GRM7: variants seen among roughly 807,000 people sequenced by gnomAD.
The protein encoded by GRM7 is glutamate metabotropic receptor 7.
GRM7 carries 35 observed loss-of-function variants against 84.5 expected under a neutral mutation model. The observed-to-expected ratio is 0.41, with a 90% CI of 0.32 to 0.55. The LOEUF (loss-of-function observed/expected upper bound fraction) is 0.55. Ranked by LOEUF, GRM7 falls within the 20% of genes least tolerant of loss-of-function variation. The pLI is 0.19. For missense variants in GRM7, 1,003 were observed against 1,194.6 expected, an observed-to-expected ratio of 0.84 and a Z score of 2.36; for synonymous variants, 487 against 455.1, an observed-to-expected ratio of 1.07 and a Z score of -0.89.
intron 5 of GRM7, among the ~76,000 whole-genome samples, chr3:7,432,081 GCT>G (rs1405444598): frequency 6.6e-6 from 1 of 152,150 alleles, no homozygotes; most frequent in Non-Finnish European, 1.5e-5. Context: ...CAAGCATGAA[GCT>G]GGAACTGCTT....
chr3:7,572,435 C>G (rs1245202745), intron 7 of GRM7, among the ~76,000 whole-genome samples: 1 of 152,066 alleles, frequency 6.6e-6, no homozygotes, highest in Non-Finnish European at 1.5e-5. Flanking sequence ...TTAGGGAAGT[C>G]TCATCCATCT....
chr3:6,979,392 G>A (rs1189275667), intron 1 of GRM7, among the ~76,000 whole-genome samples: 4 of 152,080 alleles, frequency 2.6e-5, no homozygotes, highest in Admixed American at 1.3e-4. Flanking sequence ...TCACCATGAC[G>A]CTTAGAAACT....
At chr3:7,306,080 A>G (rs940077340) in intron 3 of GRM7, among the ~76,000 whole-genome samples, 1 of 152,138 alleles carries the variant, frequency 6.6e-6, no homozygotes, top group Non-Finnish European at 1.5e-5. Context: ...CTTTTCAGAG[A>G]TAGTGTATAC....
intron 1 of GRM7, among the ~76,000 whole-genome samples, chr3:7,078,865 T>TTC (rs1450794542): frequency 1.3e-5 from 2 of 151,468 alleles, no homozygotes; most frequent in Non-Finnish European, 2.9e-5. Flanking sequence ...TTTTTTTTTT[T>TTC]CATTTCTTTG....
chr3:7,673,569 A>G (rs557381085), intron 8 of GRM7, among the ~76,000 whole-genome samples: 10 of 152,240 alleles, frequency 6.6e-5, no homozygotes, highest in African/African-American at 2.2e-4. Context: ...ATGATTTTAC[A>G]TATGTTTAAT....
At chr3:6,906,931 C>T (rs1696599149) in intron 1 of GRM7, among the ~76,000 whole-genome samples, 1 of 152,202 alleles carries the variant, frequency 6.6e-6, no homozygotes, top group Non-Finnish European at 1.5e-5. Context: ...TGAATTTGGA[C>T]ATATGCGAAC....
chr3:7,601,622 CAG>C (rs947566698), intron 8 of GRM7, among the ~76,000 whole-genome samples: 6 of 152,048 alleles, frequency 3.9e-5, no homozygotes, highest in African/African-American at 1.4e-4. Context: ...AAACCTGGCT[CAG>C]GGTGGCTTGA....
intron 1 of GRM7, among the ~76,000 whole-genome samples, chr3:6,988,278 G>C (rs1694503795): frequency 1.3e-5 from 2 of 150,400 alleles, no homozygotes; most frequent in African/African-American, 4.9e-5. Context: ...CAAAGTGCTG[G>C]GATTACAGGC....
At position 7,464,827 on chromosome 3, in the gene GRM7, CAA is replaced by C. The variant is rs71307749; in HGVS notation, c.1515+3123_1515+3124del. Among the ~76,000 whole-genome samples, 743 of 85,778 alleles carry C rather than the reference CAA, an allele frequency of 8.7e-3. 6 individuals are homozygous for C. The highest frequency in any genetic ancestry group is 0.03 in the African/African-American group (680 of 22,876). The allele number at this position is 85,778 out of a possible 152,430, so 56.3% of individuals were successfully genotyped here. A position where few individuals can be genotyped will look rare whatever the true frequency, so the allele number is the denominator to read the frequency against. On this transcript the variant is annotated intron_variant, in intron 7 of 9. Transcript: ENST00000357716. The stretch of plus-strand genomic sequence containing the variant: ...TGGGTGACAGAGCAAGACTCTGTCT[CAA>C]AAAAAAAAAAAAAAAAATTAACTGA...
chr3:7,664,456 C>T (rs545936587), intron 8 of GRM7, among the ~76,000 whole-genome samples: 13 of 152,202 alleles, frequency 8.5e-5, no homozygotes, highest in Admixed American at 7.8e-4. Flanking sequence ...GGTACCTTTC[C>T]GAGTATCTCA....
At chr3:6,869,792 C>T (rs927596141) in intron 1 of GRM7, among the ~76,000 whole-genome samples, 2 of 152,138 alleles carry the variant, frequency 1.3e-5, no homozygotes, top group African/African-American at 2.4e-5. Context: ...AACAGCAAGG[C>T]TAAGAGCAGT....
intron 2 of GRM7, among the ~76,000 whole-genome samples, chr3:7,154,102 A>C (rs1256152959): frequency 6.6e-6 from 1 of 152,190 alleles, no homozygotes; most frequent in African/African-American, 2.4e-5. Context: ...ACTTGTGTGA[A>C]TCTTGAATTA....
chr3:7,584,485 A>T (rs1032441984), intron 8 of GRM7, among the ~76,000 whole-genome samples: 2 of 152,236 alleles, frequency 1.3e-5, no homozygotes, highest in Non-Finnish European at 2.9e-5. Flanking sequence ...AGATATGGCA[A>T]AAAGCAGCAA....
chr3:7,381,168 T>C (rs944959215), intron 4 of GRM7, among the ~76,000 whole-genome samples: 1 of 152,092 alleles, frequency 6.6e-6, no homozygotes, highest in Admixed American at 6.5e-5. Flanking sequence ...TAGTTAGTTT[T>C]TTTTTGATGT....
intron 2 of GRM7, among the ~76,000 whole-genome samples, chr3:7,284,631 C>T (rs1480370912): frequency 6.6e-6 from 1 of 152,016 alleles, no homozygotes; most frequent in Admixed American, 6.6e-5. Context: ...TTTTGTTTAT[C>T]ATGAGGGAGT....
At chr3:7,033,597 GT>G (rs975356636) in intron 1 of GRM7, among the ~76,000 whole-genome samples, 24 of 152,150 alleles carry the variant, frequency 1.6e-4, no homozygotes, top group Middle Eastern at 3.4e-3. Flanking sequence ...TTTATGAAAG[GT>G]TTTTTCCCCC....
At chr3:7,668,253 C>A (rs1268873512) in intron 8 of GRM7, among the ~76,000 whole-genome samples, 1 of 152,194 alleles carries the variant, frequency 6.6e-6, no homozygotes, top group Non-Finnish European at 1.5e-5. Context: ...TTTTGCCTTT[C>A]TGTTTTCTGT....
intron 8 of GRM7, among the ~76,000 whole-genome samples, chr3:7,631,635 C>T (rs1462281325): frequency 6.6e-6 from 1 of 152,046 alleles, no homozygotes; most frequent in Non-Finnish European, 1.5e-5. Flanking sequence ...TGACATTTTG[C>T]TCCAGATAAT....
At chr3:6,894,837 C>T (rs1696115866) in intron 1 of GRM7, among the ~76,000 whole-genome samples, 1 of 152,046 alleles carries the variant, frequency 6.6e-6, no homozygotes, top group African/African-American at 2.4e-5. Context: ...GTAGAGATGC[C>T]CTGGCTGTAT....
Sources: allele counts gnomAD v4.1 joint callset (sites outside exome capture counted in the v4.1 genomes callset), GRCh38; gene constraint gnomAD v4.1.1; transcripts MANE v1.5; gene names NCBI Gene and HGNC (gene_info 2026-07-23, HGNC 2026-07-21).